The following WDR7 variants were observed in gnomAD, a reference collection of about 807,000 sequenced individuals.
WDR7 encodes the protein WD repeat domain 7, also known as WD repeat-containing protein 7.
Under a neutral mutation model 169.4 loss-of-function variants are expected in WDR7, and 46 were observed. That is an observed-to-expected ratio of 0.27 (90% CI 0.21 to 0.35). The LOEUF is 0.35. WDR7 is among the 10% of genes least tolerant of loss of function. WDR7 has a pLI of 1.00. For missense variants in WDR7, 1,534 were observed against 1,859.3 expected (o/e 0.83, Z 3.22); for synonymous variants, 612 against 666.8 (o/e 0.92, Z 1.27).
intron 21 of WDR7, among the ~76,000 whole-genome samples, chr18:56,912,824 C>T (rs1473729891): frequency 6.6e-6 from 1 of 152,112 alleles, no homozygotes; most frequent in Admixed American, 6.6e-5. Flanking sequence ...CTGTAGGTAT[C>T]ACATCCAGTT....
chr18:56,754,921 G>A lies in WDR7; in HGVS notation c.1990-1662G>A, dbSNP rs2043860373. ...TCAAATTCACAGCTGCAGTGTATGA[G>A]TTTGACTTTCTCTATACTGTTTTTA... On this transcript the variant is annotated intron_variant, in intron 14 of 27. Coordinates refer to ENST00000254442, the MANE Select transcript of WDR7 (RefSeq NM_015285.3). Among the ~76,000 whole-genome samples, 3 of 152,218 alleles carry A rather than the reference G, an allele frequency of 2.0e-5. No individual in the cohort carries two copies. The South Asian group carries it at 6.2e-4, about 32-fold the overall frequency.
At chr18:56,902,251 G>A (rs1204033858) in intron 21 of WDR7, among the ~76,000 whole-genome samples, 1 of 152,142 alleles carries the variant, frequency 6.6e-6, no homozygotes, top group East Asian at 1.9e-4. Context: ...ATATTACATA[G>A]TTATATGCAG....
At chr18:56,768,069 A>G (rs1307435057) in intron 16 of WDR7, among the ~76,000 whole-genome samples, 1 of 152,186 alleles carries the variant, frequency 6.6e-6, no homozygotes, top group Non-Finnish European at 1.5e-5. Context: ...ATCATAATAG[A>G]TGGAAACATT....
At chr18:56,688,561 CAAA>C (rs68137220) in intron 7 of WDR7, among the ~76,000 whole-genome samples, 3,997 of 135,170 alleles carry the variant, frequency 0.03, 50 homozygotes, top group Non-Finnish European at 0.04. Flanking sequence ...ACTAAAAATA[CAAA>C]AAAAAAAAAA....
chr18:56,740,871 C>T (rs1427530315), intron 14 of WDR7, among the ~76,000 whole-genome samples: 1 of 152,048 alleles, frequency 6.6e-6, no homozygotes, highest in Non-Finnish European at 1.5e-5. Flanking sequence ...TCTTTCCCTC[C>T]CTTCTCTCTA....
At chr18:56,778,757 A>T (rs2044275475) in intron 17 of WDR7, among the ~76,000 whole-genome samples, 1 of 152,188 alleles carries the variant, frequency 6.6e-6, no homozygotes, top group African/African-American at 2.4e-5. Flanking sequence ...TTTTATTGTC[A>T]TAGATTAGGT....
chr18:56,859,471 G>T (rs187548004), intron 20 of WDR7, among the ~76,000 whole-genome samples: 2 of 152,112 alleles, frequency 1.3e-5, no homozygotes, highest in Non-Finnish European at 2.9e-5. Flanking sequence ...TTCTAAAATT[G>T]ATTGTTTTCT....
intron 21 of WDR7, among the ~76,000 whole-genome samples, chr18:56,897,725 TA>T (rs2046348819): frequency 6.6e-6 from 1 of 151,982 alleles, no homozygotes; most frequent in African/African-American, 2.4e-5. Flanking sequence ...AGTCTTGTAG[TA>T]AATATTATGA....
intron 20 of WDR7, among the ~76,000 whole-genome samples, chr18:56,854,907 A>G (rs1202575133): frequency 6.6e-6 from 1 of 152,142 alleles, no homozygotes; most frequent in Non-Finnish European, 1.5e-5. Context: ...CATAATAACA[A>G]AAGACAGTAA....
At chr18:56,816,238 G>A (rs1343144446) in intron 20 of WDR7, 94 bp downstream of exon 20, 45 of 1,044,350 alleles carry the variant, frequency 4.3e-5, no homozygotes, top group East Asian at 5.3e-5. Flanking sequence ...GTATTTCGAC[G>A]GAAAGGATGG....
At chr18:56,697,234 G>T (rs1030142012) in intron 12 of WDR7, among the ~76,000 whole-genome samples, 5 of 152,102 alleles carry the variant, frequency 3.3e-5, no homozygotes, top group Admixed American at 1.3e-4. Flanking sequence ...CACCAGCTCT[G>T]GTATTACTGA....
intron 19 of WDR7, among the ~76,000 whole-genome samples, chr18:56,812,527 A>G (rs1431113298): frequency 6.6e-6 from 1 of 152,188 alleles, no homozygotes; most frequent in Non-Finnish European, 1.5e-5. Flanking sequence ...GGAATGTCCC[A>G]GGATAGGCCA....
intron 26 of WDR7, among the ~76,000 whole-genome samples, chr18:56,979,016 A>G (rs1366635167): frequency 2.0e-5 from 3 of 152,212 alleles, no homozygotes; most frequent in Admixed American, 1.3e-4. Context: ...ATAGGCTGAA[A>G]TGGAACTTTA....
At chr18:56,699,172 A>T (rs1456342574) in intron 12 of WDR7, among the ~76,000 whole-genome samples, 1 of 152,256 alleles carries the variant, frequency 6.6e-6, no homozygotes, top group Non-Finnish European at 1.5e-5. Flanking sequence ...CCTAGTTAAT[A>T]ACCTGTTCAG....
intron 21 of WDR7, among the ~76,000 whole-genome samples, chr18:56,884,878 C>G (rs2046164824): frequency 6.6e-6 from 1 of 152,248 alleles, no homozygotes; most frequent in South Asian, 2.1e-4. Context: ...AGGATGCTCA[C>G]AGAGTCTATT....
chr18:57,030,056 A>G (rs1209062770), downstream of WDR7: 1 of 152,162 alleles, frequency 6.6e-6, no homozygotes, highest in South Asian at 2.1e-4. Context: ...CATGCTCCCA[A>G]ATAGACTGGT....
At chr18:56,827,984 C>T (rs2045239573) in intron 20 of WDR7, among the ~76,000 whole-genome samples, 1 of 152,206 alleles carries the variant, frequency 6.6e-6, no homozygotes, top group African/African-American at 2.4e-5. Context: ...TCTTGCCTCA[C>T]TTCCCTTCTC....
chr18:56,966,630 A>C (rs189348811), intron 26 of WDR7, among the ~76,000 whole-genome samples: 31 of 152,160 alleles, frequency 2.0e-4, no homozygotes, highest in Admixed American at 1.4e-3. Flanking sequence ...AAATTTGGGG[A>C]AAGTCAAAAG....
At chr18:56,898,236 C>A (rs1259055116) in intron 21 of WDR7, among the ~76,000 whole-genome samples, 1 of 151,782 alleles carries the variant, frequency 6.6e-6, no homozygotes, top group Non-Finnish European at 1.5e-5. Context: ...GAATAAAATA[C>A]CCATGAAGCC....
Sources: gnomAD v4.1 joint callset for allele counts (sites outside exome capture counted in the v4.1 genomes callset) on GRCh38, gnomAD v4.1.1 for gene constraint, MANE v1.5 for transcripts, NCBI Gene and HGNC (gene_info 2026-07-23, HGNC 2026-07-21) for gene names.